The following EPHA6 variants were observed in gnomAD, a reference collection of about 807,000 sequenced individuals.
The protein encoded by EPHA6 is EPH receptor A6, also known as ephrin type-A receptor 6.
In EPHA6, 50 loss-of-function variants were observed where a neutral mutation model predicts 112.0. The observed-to-expected ratio is 0.45, with a 90% CI of 0.36 to 0.56. EPHA6 has a LOEUF of 0.56. Among genes scored for constraint, EPHA6 ranks in the 20% least tolerant of loss-of-function variants. The pLI is 0.00. For missense variants in EPHA6, 1,280 were observed against 1,417.4 expected (o/e 0.90, Z 1.56); for synonymous variants, 529 against 490.7 (o/e 1.08, Z -1.03).
At chr3:97,258,879 T>C (rs1222811396) in intron 5 of EPHA6, among the ~76,000 whole-genome samples, 1 of 143,376 alleles carries the variant, frequency 7.0e-6, no homozygotes, top group Non-Finnish European at 1.5e-5. Context: ...ATCAACATTC[T>C]ATATCATTCT....
At position 97,736,784 on chromosome 3, in the gene EPHA6, GA is replaced by G. The variant is rs200261204; in HGVS notation, c.3128+675del. Among the ~76,000 whole-genome samples, 16 of 149,810 alleles carry G rather than the reference GA, an allele frequency of 1.1e-4. No homozygotes were observed. The East Asian group carries it at 1.4e-3, about 13-fold the overall frequency. ...AAGAGCAATTATAAGAGGAAGAGTAGAAAAAAAAAGACTATCATCTATGTCT... is the reference window on the plus strand; with the variant it reads ...AAGAGCAATTATAAGAGGAAGAGTAGAAAAAAAAGACTATCATCTATGTCT... On this transcript the variant is annotated intron_variant, in intron 16 of 17. Transcript: ENST00000389672.
chr3:97,362,058 A>C (rs1053070521), intron 5 of EPHA6, among the ~76,000 whole-genome samples: 2 of 152,180 alleles, frequency 1.3e-5, no homozygotes, highest in Admixed American at 6.6e-5. Flanking sequence ...AATAAGTTTG[A>C]CATCATCTTT....
Position 97,328,054 on chromosome 3 carries a change from CATATAT to C in EPHA6, c.1607-77076_1607-77071del, listed in dbSNP as rs71286029. Among the ~76,000 whole-genome samples, 13 of 120,872 alleles carry C rather than the reference CATATAT, an allele frequency of 1.1e-4. No homozygotes were observed. In the East Asian group the frequency reaches 1.2e-3, roughly 11 times the overall value. The allele number at this position is 120,872 out of a possible 152,430, so 79.3% of individuals were successfully genotyped here. A position where few individuals can be genotyped will look rare whatever the true frequency, so the allele number is the denominator to read the frequency against. On this transcript the variant is annotated intron_variant, in intron 5 of 17. Transcript: ENST00000389672. ...GTGTATATATACACACATATATACACATATATATATATATATATATATATAACCTGT... is the reference window on the plus strand; with the variant it reads ...GTGTATATATACACACATATATACACATATATATATATATATATAACCTGT...
chr3:96,847,754 C>A (rs1310516950), intron 1 of EPHA6, among the ~76,000 whole-genome samples: 1 of 151,940 alleles, frequency 6.6e-6, no homozygotes, highest in African/African-American at 2.4e-5. Flanking sequence ...TTATAGGAAG[C>A]CAAAATTCAG....
intron 3 of EPHA6, among the ~76,000 whole-genome samples, chr3:97,123,865 T>G (rs959982620): frequency 6.6e-6 from 1 of 151,864 alleles, no homozygotes; most frequent in Non-Finnish European, 1.5e-5. Context: ...TTCCTGAGAG[T>G]TGTTAAACGT....
intron 5 of EPHA6, among the ~76,000 whole-genome samples, chr3:97,376,229 A>G (rs2085343978): frequency 6.6e-6 from 1 of 152,224 alleles, no homozygotes; most frequent in Non-Finnish European, 1.5e-5. Flanking sequence ...CTAATAGTAG[A>G]GAGTTATCTC....
At chr3:97,094,172 A>G (rs146977770) in intron 3 of EPHA6, among the ~76,000 whole-genome samples, 10 of 152,248 alleles carry the variant, frequency 6.6e-5, no homozygotes, top group African/African-American at 2.4e-4. Context: ...ATATATAGTT[A>G]CTGTTAACAT....
chr3:97,209,369 A>G (rs1214587999), intron 3 of EPHA6, among the ~76,000 whole-genome samples: 1 of 152,050 alleles, frequency 6.6e-6, no homozygotes, highest in Admixed American at 6.6e-5. Context: ...TCAGCATAAG[A>G]ATCAGAGACA....
chr3:97,038,214 G>A (rs2612286), intron 3 of EPHA6, among the ~76,000 whole-genome samples: 152,068 of 152,070 alleles, frequency 1, 76,033 homozygotes, highest in Non-Finnish European at 1. Context: ...ATTATTGTTA[G>A]CTATAATAAT....
In EPHA6 at chr3:97,473,956, C is replaced by T. The variant is rs546208934; in HGVS notation, c.1895-1396C>T. ...TCTAATTCTAAGATTTAATACATTT[C>T]TCTTACTGAAAACTGAACATAAATG... On this transcript the variant is annotated intron_variant, in intron 7 of 17. Transcript: ENST00000389672. Among the ~76,000 whole-genome samples the T allele has an allele frequency of 9.2e-5, 14 of 151,940 alleles. No individual in the cohort carries two copies. In the South Asian group the frequency reaches 2.7e-3, roughly 29 times the overall value.
intron 5 of EPHA6, among the ~76,000 whole-genome samples, chr3:97,258,712 T>C (rs77571268): frequency 0.011 from 1,719 of 152,252 alleles, 26 homozygotes; most frequent in African/African-American, 0.038. Context: ...CTCTGTGTTC[T>C]AGTCCCTAAA....
chr3:97,532,321 G>A (rs200730783), intron 10 of EPHA6, 37 bp from the exon 11 acceptor site: 18 of 1,559,634 alleles, frequency 1.2e-5, no homozygotes, highest in African/African-American at 8.3e-5. Context: ...GTAAGTGTTC[G>A]GTTTAATCAA....
chr3:97,058,732 A>G (rs2045929351), intron 3 of EPHA6, among the ~76,000 whole-genome samples: 1 of 152,224 alleles, frequency 6.6e-6, no homozygotes, highest in Admixed American at 6.5e-5. Flanking sequence ...TTTGCCTACA[A>G]CTGGACTTTG....
At chr3:97,264,573 T>G (rs561481350) in intron 5 of EPHA6, among the ~76,000 whole-genome samples, 1 of 152,324 alleles carries the variant, frequency 6.6e-6, no homozygotes, top group East Asian at 1.9e-4. Context: ...CCCACAGCTC[T>G]TCTTTCCTTC....
At chr3:97,088,042 GTGGT>G (rs1478818422) in intron 3 of EPHA6, among the ~76,000 whole-genome samples, 2 of 151,950 alleles carry the variant, frequency 1.3e-5, no homozygotes, top group East Asian at 3.9e-4. Context: ...TTAGCCAGGG[GTGGT>G]GGCGTGCACC....
At chr3:97,100,999 A>G (rs973662102) in intron 3 of EPHA6, among the ~76,000 whole-genome samples, 29 of 152,124 alleles carry the variant, frequency 1.9e-4, no homozygotes, top group African/African-American at 6.7e-4. Context: ...TTGATAATGG[A>G]GTTTAGTATC....
chr3:96,948,395 A>T (rs2107711955), intron 2 of EPHA6, among the ~76,000 whole-genome samples: 1 of 152,274 alleles, frequency 6.6e-6, no homozygotes, highest in South Asian at 2.1e-4. Context: ...GGCTGTTTTG[A>T]AACTTAGGAA....
intron 10 of EPHA6, among the ~76,000 whole-genome samples, chr3:97,524,205 T>G (rs926136132): frequency 6.6e-6 from 1 of 152,014 alleles, no homozygotes; most frequent in Admixed American, 6.6e-5. Flanking sequence ...TGTGTATTTT[T>G]GTAGTAATAT....
At chr3:97,385,810 C>T (rs2086031057) in intron 5 of EPHA6, among the ~76,000 whole-genome samples, 1 of 152,040 alleles carries the variant, frequency 6.6e-6, no homozygotes, top group Admixed American at 6.6e-5. Context: ...AGAGAAAGAG[C>T]AAAGGGGGAA....
Sources: allele counts gnomAD v4.1 joint callset (sites outside exome capture counted in the v4.1 genomes callset), GRCh38; gene constraint gnomAD v4.1.1; transcripts MANE v1.5; gene names NCBI Gene and HGNC (gene_info 2026-07-23, HGNC 2026-07-21).